FGF12: variants seen among roughly 807,000 people sequenced by gnomAD.
FGF12 encodes fibroblast growth factor 12.
In FGF12, 14 loss-of-function variants were observed where a neutral mutation model predicts 23.6. That is an observed-to-expected ratio of 0.59 (90% confidence interval 0.39 to 0.93). The LOEUF (loss-of-function observed/expected upper bound fraction) is 0.93, where lower values mean the gene tolerates loss of function less well. FGF12 is among the 40% of genes least tolerant of loss of function. FGF12 has a pLI of 0.00. For synonymous variants in FGF12, 62 were observed against 77.3 expected, an observed-to-expected ratio of 0.80 and a Z score of 1.04; for missense variants, 175 against 217.8, an observed-to-expected ratio of 0.80 and a Z score of 1.24.
chr3:192,557,562 T>A (rs974002354), intron 2 of FGF12, among the ~76,000 whole-genome samples: 2 of 151,818 alleles, frequency 1.3e-5, no homozygotes, highest in South Asian at 4.1e-4. Context: ...CAAAACTAAT[T>A]TTATGAGGAC....
At chr3:192,533,492 A>C (rs1725145947) in intron 2 of FGF12, among the ~76,000 whole-genome samples, 1 of 152,216 alleles carries the variant, frequency 6.6e-6, no homozygotes, top group Non-Finnish European at 1.5e-5. Flanking sequence ...ACAAATAAAG[A>C]CTATAAATAG....
intron 2 of FGF12, among the ~76,000 whole-genome samples, chr3:192,444,210 C>A (rs1722284854): frequency 6.6e-6 from 1 of 152,170 alleles, no homozygotes; most frequent in Admixed American, 6.5e-5. Context: ...TCACCCATAT[C>A]CCCTCCAGTT....
At chr3:192,213,723 C>T (rs1204399528) in intron 4 of FGF12, among the ~76,000 whole-genome samples, 2 of 152,198 alleles carry the variant, frequency 1.3e-5, no homozygotes, top group Non-Finnish European at 2.9e-5. Context: ...AGAACTGTCT[C>T]TCTCCGTGGC....
intron 4 of FGF12, among the ~76,000 whole-genome samples, chr3:192,183,982 C>T (rs967713034): frequency 2.0e-5 from 3 of 151,942 alleles, no homozygotes; most frequent in Non-Finnish European, 2.9e-5. Flanking sequence ...CAGCACTTTG[C>T]GAGGTCGAGG....
intron 5 of FGF12, among the ~76,000 whole-genome samples, chr3:192,156,204 C>G (rs1220922287): frequency 6.6e-6 from 1 of 152,034 alleles, no homozygotes. Flanking sequence ...AACATGAAAA[C>G]AAAACAAAGA....
intron 2 of FGF12, among the ~76,000 whole-genome samples, chr3:192,437,180 C>T (rs1025355090): frequency 2.0e-5 from 3 of 151,970 alleles, no homozygotes; most frequent in African/African-American, 7.3e-5. Context: ...AAAAGGCTAG[C>T]GACTAGAGGA....
At chr3:192,486,558 G>C (rs549320698) in intron 2 of FGF12, among the ~76,000 whole-genome samples, 1 of 152,168 alleles carries the variant, frequency 6.6e-6, no homozygotes, top group East Asian at 1.9e-4. Context: ...GCATAGCCTA[G>C]GAAGTAAAAG....
Position 192,514,388 on chromosome 3 carries a change from C to T in FGF12, c.14-153850G>A, listed in dbSNP as rs367626563. Among the ~76,000 whole-genome samples the T allele has an allele frequency of 6.6e-5, 10 of 152,346 alleles. No homozygotes were observed. Among genetic ancestry groups the T allele is most frequent in the East Asian group, 1.9e-4 (1 of 5,166 alleles). ...AGGTGCGAACGCAGGTCACGGCCAG[C>T]GCCGCTTGGAGAGAGACCCGCAGGT... On this transcript the variant is annotated intron_variant, in intron 2 of 5. Coordinates refer to ENST00000445105, the MANE Select transcript of FGF12 (RefSeq NM_004113.6). The surrounding 1 kb of genome is among the most constrained non-coding windows in gnomAD (Gnocchi z 4.9).
chr3:192,522,629 A>C (rs1257668636), intron 2 of FGF12, among the ~76,000 whole-genome samples: 6 of 152,228 alleles, frequency 3.9e-5, no homozygotes, highest in African/African-American at 1.4e-4. Flanking sequence ...ATAAGCATAC[A>C]ACAGTGACAA....
intron 4 of FGF12, among the ~76,000 whole-genome samples, chr3:192,305,679 A>ATATATAT (rs1553794685): frequency 1.7e-3 from 229 of 131,916 alleles, no homozygotes; most frequent in African/African-American, 6.1e-3. Flanking sequence ...AAAAAAAAAA[A>ATATATAT]ATATATATAT....
At chr3:192,358,644 G>A (rs891496524) in intron 3 of FGF12, among the ~76,000 whole-genome samples, 11 of 152,128 alleles carry the variant, frequency 7.2e-5, no homozygotes, top group African/African-American at 2.7e-4. Flanking sequence ...TAGAAAGAGT[G>A]AAGGAAGGAT....
intron 2 of FGF12, among the ~76,000 whole-genome samples, chr3:192,458,598 T>C (rs1466246675): frequency 1.3e-5 from 2 of 152,220 alleles, no homozygotes; most frequent in Non-Finnish European, 2.9e-5. Flanking sequence ...ACCCAATAAC[T>C]GTACCCCCAC....
At chr3:192,329,125 T>C (rs1286839221) in intron 4 of FGF12, among the ~76,000 whole-genome samples, 3 of 152,186 alleles carry the variant, frequency 2.0e-5, no homozygotes, top group Admixed American at 6.5e-5. Flanking sequence ...GGGCCAAATA[T>C]GTGGCCCAGA....
chr3:192,620,472 T>A (rs1334856502), intron 2 of FGF12, among the ~76,000 whole-genome samples: 3 of 152,042 alleles, frequency 2.0e-5, no homozygotes, highest in African/African-American at 7.2e-5. Flanking sequence ...TTGCTTGGAG[T>A]GTGCTCTGCA....
intron 4 of FGF12, among the ~76,000 whole-genome samples, chr3:192,316,928 C>T (rs1716255757): frequency 6.6e-6 from 1 of 152,100 alleles, no homozygotes; most frequent in African/African-American, 2.4e-5. Context: ...AATAGAGCAC[C>T]AGTCATGAGG....
At chr3:192,410,073 G>A (rs1333790397) in intron 2 of FGF12, among the ~76,000 whole-genome samples, 3 of 152,146 alleles carry the variant, frequency 2.0e-5, no homozygotes, top group Non-Finnish European at 2.9e-5. Context: ...CACCGAGATG[G>A]CAGGTGGGAC....
At chr3:192,328,292 T>C (rs1716920411) in intron 4 of FGF12, among the ~76,000 whole-genome samples, 1 of 152,156 alleles carries the variant, frequency 6.6e-6, no homozygotes, top group African/African-American at 2.4e-5. Flanking sequence ...TGATTTAGGG[T>C]AGGGGCTTTG....
intron 2 of FGF12, among the ~76,000 whole-genome samples, chr3:192,427,656 T>C (rs1294898035): frequency 6.6e-6 from 1 of 152,160 alleles, no homozygotes; most frequent in Non-Finnish European, 1.5e-5. Context: ...TAGTGCCCAG[T>C]AGTATGTGTT....
At chr3:192,563,389 C>G (rs1712133495) in intron 2 of FGF12, among the ~76,000 whole-genome samples, 1 of 152,160 alleles carries the variant, frequency 6.6e-6, no homozygotes, top group Non-Finnish European at 1.5e-5. Context: ...CACACATTCA[C>G]CACTTGCTCA....
Sources: gnomAD v4.1 joint callset for allele counts (sites outside exome capture counted in the v4.1 genomes callset) on GRCh38, gnomAD v4.1.1 for gene constraint, Gnocchi (gnomAD v3.1) non-coding constraint, MANE v1.5 for transcripts, NCBI Gene and HGNC (gene_info 2026-07-23, HGNC 2026-07-21) for gene names.